FRMD3: variants seen among roughly 807,000 people sequenced by gnomAD.
The protein encoded by FRMD3 is FERM domain-containing protein 3.
A neutral mutation model predicts 70.2 loss-of-function variants in FRMD3; 33 were observed. That is an observed-to-expected ratio of 0.47 (90% confidence interval 0.36 to 0.63). FRMD3 has a LOEUF of 0.63. FRMD3 is among the 20% of genes least tolerant of loss of function. FRMD3 has a pLI of 0.00. For missense variants in FRMD3, 632 were observed against 711.4 expected (o/e 0.89, Z 1.27); for synonymous variants, 279 against 255.9 (o/e 1.09, Z -0.86).
chr9:83,288,621 A>C (rs754197090), intron 13 of FRMD3, among the ~76,000 whole-genome samples: 2 of 152,240 alleles, frequency 1.3e-5, no homozygotes, highest in African/African-American at 2.4e-5. Context: ...TACAGCTGGT[A>C]AAATAATTGA....
At chr9:83,462,323 G>T (rs1827999207) in intron 1 of FRMD3, among the ~76,000 whole-genome samples, 1 of 152,140 alleles carries the variant, frequency 6.6e-6, no homozygotes, top group African/African-American at 2.4e-5. Context: ...CCAAGGTTAT[G>T]CCAAGGTCCT....
chr9:83,478,954 A>G (rs1264193346), intron 1 of FRMD3, among the ~76,000 whole-genome samples: 1 of 152,134 alleles, frequency 6.6e-6, no homozygotes, highest in Non-Finnish European at 1.5e-5. Flanking sequence ...GACTGTACCT[A>G]TGCACTACGG....
chr9:83,369,665 C>A (rs1170081735), intron 3 of FRMD3, among the ~76,000 whole-genome samples: 3 of 151,642 alleles, frequency 2.0e-5, no homozygotes, highest in African/African-American at 7.2e-5. Context: ...CCTTTTAAAT[C>A]AGGCCAATCA....
At chr9:83,362,981 T>G (rs1025621139) in intron 3 of FRMD3, among the ~76,000 whole-genome samples, 4 of 150,764 alleles carry the variant, frequency 2.7e-5, no homozygotes, top group African/African-American at 9.7e-5. Context: ...CCTCCCTCCT[T>G]CCTTCCTTTC....
chr9:83,540,969 A>G (rs1019278986), upstream of FRMD3, among the ~76,000 whole-genome samples: 1 of 152,098 alleles, frequency 6.6e-6, no homozygotes, highest in East Asian at 1.9e-4. Context: ...TAAGAATAGG[A>G]CTATAAAAGA....
chr9:83,351,055 T>A (rs1233167585), intron 3 of FRMD3: 1 of 870,296 alleles, frequency 1.1e-6, no homozygotes, highest in Non-Finnish European at 1.4e-6. Context: ...TACATCCAAA[T>A]GTGAATATGA....
chr9:83,272,402 T>A (rs1185105465), intron 13 of FRMD3, among the ~76,000 whole-genome samples: 2 of 151,826 alleles, frequency 1.3e-5, no homozygotes. Context: ...TCTCGTTCAC[T>A]CAGTGCTCAA....
rs556942996 is a variant in FRMD3, at chr9:83,248,185, C to T, written c.1527G>A (p.Ser509=). ...GGCCAGTCAGAATGTCATAGCTCCA[C>T]GACAAAGCACGGCGAGCCTCCTTCA... is the stretch of plus-strand genomic sequence containing the variant. The part of the protein sequence containing the change: ...EELKEARRAL[S]WSYDILTGHI... The change falls in exon 14 of 14, where the codon TCG becomes TCA. Residue 509 remains serine, a synonymous_variant. Coordinates refer to ENST00000304195, the MANE Select transcript of FRMD3 (RefSeq NM_174938.6). The T allele has an allele frequency of 2.5e-5, 40 of 1,614,208 alleles. No homozygotes were observed. The Middle Eastern group carries it at 4.9e-4, about 20-fold the overall frequency.
At chr9:83,443,603 A>G (rs1827370874) in intron 1 of FRMD3, among the ~76,000 whole-genome samples, 2 of 152,164 alleles carry the variant, frequency 1.3e-5, no homozygotes, top group South Asian at 4.1e-4. Context: ...ATAAACATAC[A>G]TGTGCATGTG....
rs189610936 is a variant in FRMD3 at position 83,412,208 on chromosome 9, T to G, written c.148-22500A>C. On this transcript the variant is annotated intron_variant, in intron 1 of 13. Transcript: ENST00000304195. ...AAATAATTTCTGCTATTCATACGTG[T>G]TGTTGTGTGAACAGTCATTTAGTCA... Among the ~76,000 whole-genome samples, 3 of 152,366 alleles carry G rather than the reference T, an allele frequency of 2.0e-5. No individual in the cohort carries two copies. The East Asian group carries it at 5.8e-4, about 29-fold the overall frequency.
chr9:83,278,123 C>CT (rs1418257123), intron 13 of FRMD3, among the ~76,000 whole-genome samples: 2 of 152,160 alleles, frequency 1.3e-5, no homozygotes, highest in Non-Finnish European at 2.9e-5. Flanking sequence ...TGAGCTAAAA[C>CT]TTAAAGAAAA....
At chr9:83,304,195 A>G (rs774342022) in intron 10 of FRMD3, among the ~76,000 whole-genome samples, 1 of 152,138 alleles carries the variant, frequency 6.6e-6, no homozygotes, top group Non-Finnish European at 1.5e-5. Flanking sequence ...GCTGCTATGA[A>G]CGCTTGTGCA....
intron 1 of FRMD3, among the ~76,000 whole-genome samples, chr9:83,423,961 T>C (rs775848076): frequency 9.2e-5 from 14 of 152,146 alleles, no homozygotes; most frequent in Admixed American, 9.2e-4. Flanking sequence ...ATGTTGCAAA[T>C]ACAGAACATC....
intron 4 of FRMD3, among the ~76,000 whole-genome samples, chr9:83,344,721 C>G (rs765170217): frequency 1.3e-5 from 2 of 152,134 alleles, no homozygotes; most frequent in Non-Finnish European, 2.9e-5. Flanking sequence ...AGGTTACAGA[C>G]AGCAGATCAT....
At chr9:83,553,205 C>T in the FRMD3 span, among the ~76,000 whole-genome samples, 2,652 of 152,212 alleles carry the variant, frequency 0.017, 86 homozygotes, top group African/African-American at 0.059. Flanking sequence ...TTATCTGAAA[C>T]GATCTTATTT....
Position 83,310,787 on chromosome 9 carries a change from T to C in FRMD3, c.774-239A>G, listed in dbSNP as rs555264651. Among the ~76,000 whole-genome samples, 120 of 152,362 alleles carry C rather than the reference T, an allele frequency of 7.9e-4. 1 individual carries two copies. The highest frequency in any genetic ancestry group is 2.8e-3 in the African/African-American group (116 of 41,576). Reference sequence around the variant, plus strand: ...TTTATTCTATTATTTACAGTCAGGCTGCATCGTTCTTCCAAGAAGCTCTAG... The same window carrying C: ...TTTATTCTATTATTTACAGTCAGGCCGCATCGTTCTTCCAAGAAGCTCTAG... On this transcript the variant is annotated intron_variant, in intron 8 of 13. Coordinates refer to ENST00000304195, the MANE Select transcript of FRMD3 (RefSeq NM_174938.6).
rs1169000939 is a variant in FRMD3, at chr9:83,247,937, T to C, written c.1775A>G (p.Tyr592Cys). Residue 592 changes from tyrosine to cysteine, a missense_variant, in exon 14 of 14, where the codon TAC becomes TGC. By Grantham distance (194) the Tyr-to-Cys change is radical (BLOSUM62 -2). Around this residue, in one of 3 missense-constraint regions of FRMD3, gnomAD observed 418 missense variants for 442.1 expected, o/e 0.95. Coordinates refer to ENST00000304195, the MANE Select transcript of FRMD3 (RefSeq NM_174938.6). ...TTAACTTCATGAGCAACCCAGCATGTAGAGGATGAGGTGGACTTTCCCAGC... is the reference window on the plus strand; with the variant it reads ...TTAACTTCATGAGCAACCCAGCATGCAGAGGATGAGGTGGACTTTCCCAGC... ...WVAGKVHLIL[Y>C]MLGCS The C allele has an allele frequency of 6.2e-7, 1 of 1,614,080 alleles. No homozygotes were observed. The highest frequency in any genetic ancestry group is 8.5e-7 in the Non-Finnish European group (1 of 1,179,974).
At chr9:83,381,282 C>A (rs1015343527) in intron 2 of FRMD3, among the ~76,000 whole-genome samples, 2 of 152,196 alleles carry the variant, frequency 1.3e-5, no homozygotes, top group Admixed American at 6.5e-5. Context: ...CCGCTGGGCA[C>A]AGTGGTTCAT....
At chr9:83,267,176 A>G (rs1469385041) in intron 13 of FRMD3, 1 of 1,550,580 alleles carries the variant, frequency 6.4e-7, no homozygotes, top group Non-Finnish European at 8.7e-7. Flanking sequence ...CTCGGCCTGC[A>G]TGGCCCAGGG....
Sources: gnomAD v4.1 joint callset for allele counts (sites outside exome capture counted in the v4.1 genomes callset) on GRCh38, gnomAD v4.1.1 for gene constraint, gnomAD v4.1.1 regional missense constraint, MANE v1.5 for transcripts, NCBI Gene and HGNC (gene_info 2026-07-23, HGNC 2026-07-21) for gene names.